Variants in INPP4B observed in about 807,000 individuals in gnomAD.
The protein encoded by INPP4B is inositol polyphosphate-4-phosphatase type II B, also known as inositol polyphosphate 4-phosphatase type II.
A neutral mutation model predicts 122.5 loss-of-function variants in INPP4B; 55 were observed. The observed-to-expected ratio is 0.45, with a 90% CI of 0.36 to 0.56. The LOEUF (loss-of-function observed/expected upper bound fraction) is 0.56, where lower values mean the gene tolerates loss of function less well. Among genes scored for constraint, INPP4B ranks in the 20% least tolerant of loss-of-function variants. The pLI is 0.00. For missense variants in INPP4B, 1,000 were observed against 1,097.7 expected (o/e 0.91, Z 1.26); for synonymous variants, 403 against 388.7 (o/e 1.04, Z -0.43).
At chr4:142,324,998 T>A (rs1466103736) in intron 7 of INPP4B, among the ~76,000 whole-genome samples, 1 of 152,172 alleles carries the variant, frequency 6.6e-6, no homozygotes, top group Non-Finnish European at 1.5e-5. Context: ...ACTCTCAGAG[T>A]CAGCAAATAC....
At chr4:142,757,628 G>A (rs1770692395) in intron 1 of INPP4B, among the ~76,000 whole-genome samples, 1 of 151,964 alleles carries the variant, frequency 6.6e-6, no homozygotes. Context: ...TTTCTTCTTA[G>A]CACTGAATAA....
intron 2 of INPP4B, among the ~76,000 whole-genome samples, chr4:142,617,592 C>T (rs1743989302): frequency 6.6e-6 from 1 of 152,006 alleles, no homozygotes. Flanking sequence ...GAAGGCGCTG[C>T]CATTAATTTC....
chr4:142,243,360 A>C (rs190976646), intron 11 of INPP4B, among the ~76,000 whole-genome samples: 1 of 152,332 alleles, frequency 6.6e-6, no homozygotes, highest in Admixed American at 6.5e-5. Flanking sequence ...CTTCCATTTG[A>C]AGCTACTTAA....
intron 1 of INPP4B, among the ~76,000 whole-genome samples, chr4:142,830,850 CAAAA>C (rs70949194): frequency 0.021 from 1,915 of 91,446 alleles, 29 homozygotes; most frequent in African/African-American, 0.066. Context: ...GCTGTCTCTA[CAAAA>C]AAAAAAAAAA....
At position 142,113,558 on chromosome 4, in the gene INPP4B, C is replaced by A. The variant is rs72946966; in HGVS notation, c.2136-876G>T. 5.7e-3 allele frequency among the ~76,000 whole-genome samples: 864 copies of A among 152,036 alleles called. 8 individuals are homozygous for A. The highest frequency in any genetic ancestry group is 0.02 in the African/African-American group (822 of 41,504). On this transcript the variant is annotated intron_variant, in intron 21 of 25. Transcript: ENST00000262992. ...ATTGATAAACAGTGTGGACCACTGA[C>A]TCTGAGACTTGTTTCTTTCTACCTA...
chr4:142,263,491 A>G (rs1741115024), intron 10 of INPP4B, among the ~76,000 whole-genome samples: 1 of 151,724 alleles, frequency 6.6e-6, no homozygotes, highest in South Asian at 2.1e-4. Context: ...TCTTTAAAGT[A>G]AAATTGACTT....
At chr4:142,207,405 C>T (rs1843005744) in intron 14 of INPP4B, among the ~76,000 whole-genome samples, 1 of 152,138 alleles carries the variant, frequency 6.6e-6, no homozygotes, top group African/African-American at 2.4e-5. Flanking sequence ...TACATTTTCA[C>T]TAACGGTGTA....
chr4:142,796,914 GTC>G (rs35333997), intron 1 of INPP4B, among the ~76,000 whole-genome samples: 6,653 of 92,786 alleles, frequency 0.072, 197 homozygotes, highest in South Asian at 0.093. Context: ...GTGTGTGTGT[GTC>G]TGTGTGTAAT....
chr4:142,567,932 G>T (rs952024239), intron 2 of INPP4B, among the ~76,000 whole-genome samples: 1 of 152,092 alleles, frequency 6.6e-6, no homozygotes, highest in Non-Finnish European at 1.5e-5. Context: ...CTAAGACATT[G>T]CTTGGCTCAA....
chr4:142,568,522 T>A (rs1732130377), intron 2 of INPP4B, among the ~76,000 whole-genome samples: 1 of 152,198 alleles, frequency 6.6e-6, no homozygotes, highest in African/African-American at 2.4e-5. Context: ...CCTTATTCAC[T>A]TTATTTTATA....
intron 2 of INPP4B, among the ~76,000 whole-genome samples, chr4:142,621,185 C>T (rs1050873190): frequency 1.3e-5 from 2 of 151,366 alleles, no homozygotes; most frequent in Non-Finnish European, 1.5e-5. Flanking sequence ...TTTTCTACCA[C>T]CAAATATAAA....
At chr4:142,481,410 C>A (rs377425808) in intron 2 of INPP4B, among the ~76,000 whole-genome samples, 2 of 152,150 alleles carry the variant, frequency 1.3e-5, no homozygotes, top group South Asian at 2.1e-4. Flanking sequence ...CTAAAAGCAC[C>A]TAACTCTATC....
intron 1 of INPP4B, among the ~76,000 whole-genome samples, chr4:142,761,998 T>C (rs1239203466): frequency 6.6e-6 from 1 of 152,068 alleles, no homozygotes; most frequent in Non-Finnish European, 1.5e-5. Flanking sequence ...CCTGATACAA[T>C]TGGATGTAAA....
At chr4:142,775,876 A>C (rs1773830763) in intron 1 of INPP4B, among the ~76,000 whole-genome samples, 2 of 152,136 alleles carry the variant, frequency 1.3e-5, no homozygotes, top group Non-Finnish European at 2.9e-5. Flanking sequence ...GAATGCTCCT[A>C]TTCATATTTG....
At chr4:142,361,541 A>G (rs1345710525) in intron 7 of INPP4B, among the ~76,000 whole-genome samples, 1 of 151,992 alleles carries the variant, frequency 6.6e-6, no homozygotes, top group Non-Finnish European at 1.5e-5. Flanking sequence ...GTGAATATAT[A>G]TGCTAAGGGC....
chr4:142,433,992 T>C (rs947088580), intron 3 of INPP4B, among the ~76,000 whole-genome samples: 9 of 152,262 alleles, frequency 5.9e-5, no homozygotes, highest in African/African-American at 2.2e-4. Context: ...TCAGATTTCT[T>C]AGTGATTACA....
At chr4:142,518,508 C>T (rs1825692131) in intron 2 of INPP4B, among the ~76,000 whole-genome samples, 2 of 152,084 alleles carry the variant, frequency 1.3e-5, no homozygotes, top group South Asian at 2.1e-4. Flanking sequence ...CCAGTGGTAG[C>T]CAATCTCTAA....
At chr4:142,633,549 T>C (rs192420715) in intron 2 of INPP4B, among the ~76,000 whole-genome samples, 23 of 152,282 alleles carry the variant, frequency 1.5e-4, no homozygotes, top group Middle Eastern at 3.4e-3. Flanking sequence ...ACAGTGCAGT[T>C]AAGCAGCTAA....
intron 2 of INPP4B, among the ~76,000 whole-genome samples, chr4:142,546,956 C>A (rs923360706): frequency 2.0e-5 from 3 of 152,018 alleles, no homozygotes; most frequent in Admixed American, 1.3e-4. Context: ...ATTTTATGCT[C>A]TTTTTCAAAA....
Sources: allele counts gnomAD v4.1 joint callset (sites outside exome capture counted in the v4.1 genomes callset), GRCh38; gene constraint gnomAD v4.1.1; transcripts MANE v1.5; gene names NCBI Gene and HGNC (gene_info 2026-07-23, HGNC 2026-07-21).